Variants in SRPK3 observed in about 807,000 individuals in gnomAD.
SRPK3 encodes the protein SRSF protein kinase 3.
A neutral mutation model predicts 45.3 loss-of-function variants in SRPK3; 26 were observed. That is an observed-to-expected ratio of 0.57 (90% confidence interval 0.42 to 0.80). The LOEUF (loss-of-function observed/expected upper bound fraction) is 0.80. SRPK3 is among the 30% of genes least tolerant of loss of function. SRPK3 has a pLI of 0.00. For synonymous variants in SRPK3, 254 were observed against 226.6 expected (o/e 1.12, Z -1.09); for missense variants, 536 against 514.5 (o/e 1.04, Z -0.40).
In SRPK3 at chrX:153,784,371, G is replaced by A; in HGVS notation, c.1225G>A (p.Asp409Asn). Residue 409 changes from aspartate to asparagine, a missense_variant, in exon 11 of 15, where the codon GAC (aspartate) becomes AAC (asparagine). Physicochemically the swap from Asp to Asn is conservative, Grantham distance 23. Coordinates refer to ENST00000370101, the MANE Select transcript of SRPK3 (RefSeq NM_014370.4). ...AGATAAGATCAAGATCAAGATCGCA[G>A]ACCTGGGCAACGCCTGCTGGGTGGT... ...NADKIKIKIA[D>N]LGNACWVHKH... 8.3e-7 allele frequency: 1 copy of A among 1,211,399 alleles called. No individual in the cohort carries two copies. Among genetic ancestry groups the A allele is most frequent in the Non-Finnish European group, 1.1e-6 (1 of 895,461 alleles).
chrX:153,785,207 G>A, intron 14 of SRPK3, 34 bp downstream of exon 14: 5 of 1,184,083 alleles, frequency 4.2e-6, no homozygotes, highest in Non-Finnish European at 5.7e-6. Flanking sequence ...CCATGTGGCT[G>A]CAGGGAGGGT....
At chrX:153,783,192 G>GCCCCCCCCCC (rs781851056) in intron 7 of SRPK3, 34 bp from the exon 8 acceptor site, 8 of 959,787 alleles carry the variant, frequency 8.3e-6, no homozygotes, top group Admixed American at 5.2e-5. Flanking sequence ...GTTCCTCCCT[G>GCCCCCCCCCC]TCCCCCCCCA....
rs1276245758 is a variant in SRPK3 at position 153,785,681 on chromosome X, G to A, written c.*161G>A. ...TGTTCTGCCTGAGACCCCCGTGAGG[G>A]CTCTCGGAGAAAGTGTGTGTATTCC... On this transcript the variant is annotated 3_prime_UTR_variant, in exon 15 of 15. Transcript: ENST00000370101. 3.7e-6 allele frequency: 3 copies of A among 802,437 alleles called. No homozygotes were observed. The highest frequency in any genetic ancestry group is 5.3e-6 in the Non-Finnish European group (3 of 561,805). 66.1% of individuals were successfully genotyped at this position (802,437 alleles called of 1,213,427 possible).
intron 7 of SRPK3, 32 bp from the exon 8 acceptor site, chrX:153,783,194 C>CG: frequency 2.7e-6 from 2 of 748,583 alleles, no homozygotes; most frequent in Non-Finnish European, 3.7e-6. Context: ...TCCTCCCTGT[C>CG]CCCCCCCACC....
chrX:153,783,291 A>G (rs781811544), intron 8 of SRPK3, 40 bp downstream of exon 8: 1 of 1,065,605 alleles, frequency 9.4e-7, no homozygotes, highest in African/African-American at 1.9e-5. Flanking sequence ...CTCCTCTCCC[A>G]TCTGAGCCAA....
Position 153,783,792 on chromosome X carries a change from G to A in SRPK3, c.815G>A (p.Arg272Lys), listed in dbSNP as rs782021760. ...TCCAAAAACAAGAGGAAGAAGATGAGGCGCAAACGGAAACAGCAGAAGCGG... is the reference window on the plus strand; with the variant it reads ...TCCAAAAACAAGAGGAAGAAGATGAAGCGCAAACGGAAACAGCAGAAGCGG... ...KLSKNKRKKM[R>K]RKRKQQKRLL... Residue 272 changes from arginine (R) to lysine (K), a missense_variant, in exon 9 of 15, where the codon AGG becomes AAG. Transcript: ENST00000370101. 1.7e-6 allele frequency: 2 copies of A among 1,209,993 alleles called. No individual in the cohort carries two copies. Among genetic ancestry groups the A allele is most frequent in the Admixed American group, 2.2e-5 (1 of 46,040 alleles).
chrX:153,781,926 C>T (rs1294535238), intron 4 of SRPK3, 96 bp downstream of exon 4: 16 of 1,040,013 alleles, frequency 1.5e-5, no homozygotes, highest in South Asian at 1.5e-4. Context: ...TGGGGCAGGG[C>T]GGGGCTCCCT....
chrX:153,782,860 G>A lies in SRPK3; in HGVS notation c.564G>A (p.Val188=). 1 of 1,210,459 alleles carries A rather than the reference G, an allele frequency of 8.3e-7. No individual in the cohort carries two copies. The highest frequency in any genetic ancestry group is 1.1e-6 in the Non-Finnish European group (1 of 894,882). ...SNYQGLPVPC[V]KSIVRQVLHG... is the part of the protein sequence containing the mutation. Reference sequence around the variant, plus strand: ...ACCAGGGCCTGCCCGTGCCCTGCGTGAAGAGCATCGTGAGGCAGGTGAGTG... The same window carrying A: ...ACCAGGGCCTGCCCGTGCCCTGCGTAAAGAGCATCGTGAGGCAGGTGAGTG... Residue 188 remains valine (V), a synonymous_variant, in exon 6 of 15, where the codon GTG becomes GTA. Transcript: ENST00000370101.
chrX:153,782,302 A>G, intron 5 of SRPK3, 94 bp downstream of exon 5: 1 of 734,396 alleles, frequency 1.4e-6, no homozygotes, highest in Non-Finnish European at 2.1e-6. Context: ...GACCCGCACA[A>G]TGGGCTTGCA....
At chrX:153,784,564 C>T (rs1021832045) in intron 11 of SRPK3, 170 bp downstream of exon 11, 3 of 708,440 alleles carry the variant, frequency 4.2e-6, no homozygotes, top group Non-Finnish European at 4.2e-6. Flanking sequence ...GGGCAGGGGC[C>T]ACTAGGAAGG....
At position 153,784,928 on chromosome X, in the gene SRPK3, T is replaced by G. The variant is rs1204420606; in HGVS notation, c.1357-6T>G. The G allele has an allele frequency of 8.3e-7, 1 of 1,209,438 alleles. No individual in the cohort carries two copies. The highest frequency in any genetic ancestry group is 1.1e-6 in the Non-Finnish European group (1 of 894,865). ...AGCCAGCAGCCTCACCTCCTCCCCC[T>G]TCCAGGCCTTCGAGCTGGCCACTGG... On this transcript the variant is annotated splice_region_variant and splice_polypyrimidine_tract_variant and intron_variant, in intron 12 of 14. Transcript: ENST00000370101.
rs782333088 is a variant in SRPK3, at chrX:153,782,940, C to T, written c.583-13C>T. The T allele has an allele frequency of 6.9e-5, 82 of 1,186,012 alleles. No individual in the cohort carries two copies. Among genetic ancestry groups the T allele is most frequent in the South Asian group, 6.7e-4 (36 of 53,356 alleles). ...GGCGGGAGTTGGAGGAGGTCAGGTG[C>T]GACTCTCTGCAGGTGCTGCACGGCC... On this transcript the variant is annotated splice_polypyrimidine_tract_variant and intron_variant, in intron 6 of 14. Coordinates refer to ENST00000370101, the MANE Select transcript of SRPK3 (RefSeq NM_014370.4).
intron 5 of SRPK3, 90 bp from the exon 6 acceptor site, chrX:153,782,682 C>T (rs1229673047): frequency 4.0e-5 from 37 of 929,956 alleles, no homozygotes; most frequent in Non-Finnish European, 5.0e-5. Context: ...CACCTCCACA[C>T]GGCCCAAGCC....
chrX:153,782,380 T>A (rs2092057532), intron 5 of SRPK3, among the ~76,000 whole-genome samples, 172 bp downstream of exon 5: 1 of 112,838 alleles, frequency 8.9e-6, no homozygotes, highest in South Asian at 3.7e-4. Context: ...GTGGAGGCAG[T>A]AACAAGCTAG....
At position 153,782,154 on chromosome X, in the gene SRPK3, G is replaced by C. The variant is rs1557067153; in HGVS notation, c.421G>C (p.Glu141Gln). The change falls in exon 5 of 15, where the codon GAG becomes CAG. Residue 141 changes from glutamate to glutamine, a missense_variant. By Grantham distance (29) the Glu-to-Gln change is conservative. Coordinates refer to ENST00000370101, the MANE Select transcript of SRPK3 (RefSeq NM_014370.4). ...CAGCGACCCCAGTGACCCCAAAAGA[G>C]AGACCATTGTCCAGCTCATTGATGA... ...RDSDPSDPKR[E>Q]TIVQLIDDFR... 8.3e-7 allele frequency: 1 copy of C among 1,210,069 alleles called. No homozygotes were observed. Among genetic ancestry groups the C allele is most frequent in the African/African-American group, 1.7e-5 (1 of 57,341 alleles).
rs2092080197 is a variant in SRPK3 at position 153,785,321 on chromosome X, C to G, written c.1520-15C>G. The G allele has an allele frequency of 8.3e-7, 1 of 1,200,351 alleles. No individual in the cohort carries two copies. The highest frequency in any genetic ancestry group is 1.7e-5 in the African/African-American group (1 of 57,535). On this transcript the variant is annotated splice_polypyrimidine_tract_variant and intron_variant, in intron 14 of 14. Transcript: ENST00000370101. Reference sequence around the variant, plus strand: ...AGACAGGGACAGAGCCTGACGCCCGCTGGCCTGCCCGCAGGAGAGCTGCGG... The same window carrying G: ...AGACAGGGACAGAGCCTGACGCCCGGTGGCCTGCCCGCAGGAGAGCTGCGG...
At chrX:153,782,682 C>A (rs1229673047) in intron 5 of SRPK3, 90 bp from the exon 6 acceptor site, 5 of 929,918 alleles carry the variant, frequency 5.4e-6, no homozygotes, top group Non-Finnish European at 7.3e-6. Context: ...CACCTCCACA[C>A]GGCCCAAGCC....
In SRPK3 at chrX:153,784,146, T is replaced by G; in HGVS notation, c.1080T>G (p.Pro360=). The G allele has an allele frequency of 8.3e-7, 1 of 1,210,939 alleles. No homozygotes were observed. The highest frequency in any genetic ancestry group is 1.1e-6 in the Non-Finnish European group (1 of 895,541). ...TSGFSGSLFS[P]ASCSILSGSS... ...GCTTCTCCGGCTCCCTCTTCTCTCC[T>G]GCCTCCTGCTCCATCCTCTCCGGCT... The change falls in exon 10 of 15, where the codon CCT becomes CCG. Residue 360 remains proline, a synonymous_variant. Transcript: ENST00000370101.
chrX:153,783,971 C>T lies in SRPK3; in HGVS notation c.908-3C>T. ...AGCAGCTGCCTCCACCCCGTCTCCC[C>T]AGACTCTGGCTTGAGACTAGACGGG... On this transcript the variant is annotated splice_polypyrimidine_tract_variant and splice_region_variant and intron_variant, in intron 9 of 14. Transcript: ENST00000370101. 8.3e-7 allele frequency: 1 copy of T among 1,199,044 alleles called. No homozygotes were observed. The highest frequency in any genetic ancestry group is 1.1e-6 in the Non-Finnish European group (1 of 888,846).
Sources: gnomAD v4.1 joint callset for allele counts (sites outside exome capture counted in the v4.1 genomes callset) on GRCh38, gnomAD v4.1.1 for gene constraint, MANE v1.5 for transcripts, NCBI Gene and HGNC (gene_info 2026-07-23, HGNC 2026-07-21) for gene names.